The following NDE1 variants were observed in gnomAD, a reference collection of about 807,000 sequenced individuals.
NDE1 encodes the protein nuclear distribution protein nudE homolog 1.
A neutral mutation model predicts 43.4 loss-of-function variants in NDE1; 28 were observed. The ratio of observed to expected loss-of-function variants is 0.65; its 90% CI spans 0.48 to 0.89. The LOEUF is 0.89. Ranked by LOEUF, NDE1 falls within the 40% of genes least tolerant of loss-of-function variation. NDE1 has a pLI of 0.00. For missense variants in NDE1, 441 were observed against 434.1 expected, an observed-to-expected ratio of 1.02 and a Z score of -0.14; for synonymous variants, 184 against 172.0, an observed-to-expected ratio of 1.07 and a Z score of -0.55.
chr16:15,671,798 C>T (rs2037607390), intron 3 of NDE1, among the ~76,000 whole-genome samples: 1 of 152,062 alleles, frequency 6.6e-6, no homozygotes, highest in Admixed American at 6.6e-5. Context: ...TTAAGTGATC[C>T]TCCCACCTCA....
At chr16:15,692,429 A>T (rs2038800155) in intron 6 of NDE1, among the ~76,000 whole-genome samples, 1 of 152,100 alleles carries the variant, frequency 6.6e-6, no homozygotes, top group Non-Finnish European at 1.5e-5. Flanking sequence ...AGTTTTGTTG[A>T]GATGGAGTTT....
chr16:15,715,403 G>C lies in NDE1; in HGVS notation c.948-8788G>C. 3.8e-6 allele frequency: 3 copies of C among 796,536 alleles called. No homozygotes were observed. The East Asian group carries it at 7.5e-5, about 20-fold the overall frequency. The allele number at this position is 796,536 out of a possible 1,614,324, so 49.3% of individuals were successfully genotyped here. On this transcript the variant is annotated intron_variant, in intron 8 of 8. Coordinates refer to ENST00000396354, the MANE Select transcript of NDE1 (RefSeq NM_017668.3). ...CTGGACTCCTCTCAAGAATCAGTCA[G>C]ATGGTGGAATAGTATTCAGCCATGA...
rs528569286 is a variant in NDE1, at chr16:15,717,214, G to A, written c.948-6977G>A. The A allele has an allele frequency of 1.9e-5, 30 of 1,614,216 alleles. No homozygotes were observed. The East Asian group carries it at 3.1e-4, about 17-fold the overall frequency. ...GCGCCGCGATGGTGGACTTGAACTT[G>A]GACTTGACGGCCCCCTCCATCTCGT... On this transcript the variant is annotated intron_variant, in intron 8 of 8. Transcript: ENST00000396354.
At chr16:15,711,745 T>G (rs1379221524) in intron 8 of NDE1, among the ~76,000 whole-genome samples, 3 of 152,128 alleles carry the variant, frequency 2.0e-5, no homozygotes, top group Non-Finnish European at 4.4e-5. Flanking sequence ...CAGGCTGAAG[T>G]GCAGTGGTGC....
intron 2 of NDE1, among the ~76,000 whole-genome samples, chr16:15,665,906 A>G (rs8062029): frequency 0.71 from 108,227 of 151,762 alleles, 39,145 homozygotes; most frequent in African/African-American, 0.86. Context: ...ACAGGCATGC[A>G]CCACCATGCC....
intron 8 of NDE1, chr16:15,703,953 TGGTTTTC>T (rs760933374): frequency 6.8e-6 from 11 of 1,613,604 alleles, no homozygotes; most frequent in Non-Finnish European, 9.3e-6. Flanking sequence ...TTTTGGTTTT[TGGTTTTC>T]TTGCCGTGGT....
In NDE1 at chr16:15,677,782, T is replaced by C. The variant is rs2037963256; in HGVS notation, c.238-19T>C. The C allele has an allele frequency of 6.2e-7, 1 of 1,614,022 alleles. No individual in the cohort carries two copies. The highest frequency in any genetic ancestry group is 1.3e-5 in the African/African-American group (1 of 75,040). On this transcript the variant is annotated intron_variant, in intron 3 of 8. Transcript: ENST00000396354. ...CAGAAGTCTTAAGTCATTCACTCAG[T>C]GTCTGTGTTGTCCTTCAGGAGAAGT...
In NDE1 at chr16:15,664,765, C is replaced by A. The variant is rs1489216973; in HGVS notation, c.-14C>A. The A allele has an allele frequency of 6.3e-7, 1 of 1,592,046 alleles. No homozygotes were observed. The highest frequency in any genetic ancestry group is 2.2e-5 in the East Asian group (1 of 44,736). ...CATGCCACAAGGAGAGTGATCTCTTCCCCTGTTTTCACAATGGAGGACTCC... is the reference window on the plus strand; with the variant it reads ...CATGCCACAAGGAGAGTGATCTCTTACCCTGTTTTCACAATGGAGGACTCC... On this transcript the variant is annotated 5_prime_UTR_variant, in exon 2 of 9. Coordinates refer to ENST00000396354, the MANE Select transcript of NDE1 (RefSeq NM_017668.3).
intron 8 of NDE1, chr16:15,715,183 G>C (rs1197566728): frequency 6.2e-7 from 1 of 1,613,722 alleles, no homozygotes; most frequent in East Asian, 2.2e-5. Context: ...GTACTGCTCG[G>C]CCATCTTGCG....
intron 8 of NDE1, among the ~76,000 whole-genome samples, chr16:15,723,304 T>C (rs776316940): frequency 1.3e-5 from 2 of 152,180 alleles, no homozygotes; most frequent in African/African-American, 2.4e-5. Flanking sequence ...TAATTTGCTC[T>C]GAAATGTACC....
chr16:15,676,973 G>T (rs757287201), intron 3 of NDE1, among the ~76,000 whole-genome samples: 1 of 152,186 alleles, frequency 6.6e-6, no homozygotes, highest in Non-Finnish European at 1.5e-5. Context: ...TGCTTTGGCT[G>T]TGGACACCTT....
At chr16:15,702,567 C>CAA (rs11411493) in intron 8 of NDE1, among the ~76,000 whole-genome samples, 37 of 118,018 alleles carry the variant, frequency 3.1e-4, no homozygotes, top group African/African-American at 1.2e-3. Flanking sequence ...CTAACAACAA[C>CAA]AACAAAAAAA....
chr16:15,693,021 G>A (rs1173146551), intron 6 of NDE1, among the ~76,000 whole-genome samples: 2 of 147,024 alleles, frequency 1.4e-5, no homozygotes, highest in Non-Finnish European at 3.0e-5. Context: ...TTTTTTTTGA[G>A]ACAAAGTCTT....
chr16:15,718,578 A>C, intron 8 of NDE1: 2 of 1,281,462 alleles, frequency 1.6e-6, no homozygotes, highest in Non-Finnish European at 2.1e-6. Context: ...TAGAAGACTC[A>C]TCTGTAGTTA....
At chr16:15,662,673 C>T (rs1257043972) in intron 1 of NDE1, among the ~76,000 whole-genome samples, 1 of 151,850 alleles carries the variant, frequency 6.6e-6, no homozygotes, top group African/African-American at 2.4e-5. Context: ...GCCTCCTGTG[C>T]TCAGGTGATC....
chr16:15,695,558 T>C, intron 7 of NDE1: 1 of 985,138 alleles, frequency 1.0e-6, no homozygotes, highest in Non-Finnish European at 1.2e-6. Context: ...TCAGCTTTTA[T>C]GTTAATTACA....
intron 8 of NDE1, among the ~76,000 whole-genome samples, chr16:15,698,404 A>G (rs2039104808): frequency 6.6e-6 from 1 of 152,148 alleles, no homozygotes; most frequent in Non-Finnish European, 1.5e-5. Flanking sequence ...TCTCAGAAAA[A>G]AAAGGGGCAG....
At chr16:15,720,435 C>T (rs2040406240) in intron 8 of NDE1, 2 of 1,328,516 alleles carry the variant, frequency 1.5e-6, no homozygotes, top group Admixed American at 4.0e-5. Context: ...GGCATCTCAT[C>T]CCCAGTTGCA....
chr16:15,670,277 C>T (rs2037524005), intron 3 of NDE1, among the ~76,000 whole-genome samples: 1 of 152,170 alleles, frequency 6.6e-6, no homozygotes, highest in Admixed American at 6.6e-5. Context: ...GTGCTGGTTG[C>T]CTTCTTTGGG....
Sources: allele counts gnomAD v4.1 joint callset (sites outside exome capture counted in the v4.1 genomes callset), GRCh38; gene constraint gnomAD v4.1.1; transcripts MANE v1.5; gene names NCBI Gene and HGNC (gene_info 2026-07-23, HGNC 2026-07-21).